PDE7B: variants seen among roughly 807,000 people sequenced by gnomAD.
PDE7B encodes phosphodiesterase 7B.
PDE7B carries 29 observed loss-of-function variants against 56.2 expected under a neutral mutation model. The observed-to-expected ratio is 0.52, with a 90% CI of 0.38 to 0.70. PDE7B has a LOEUF of 0.70. Among genes scored for constraint, PDE7B ranks in the 30% least tolerant of loss-of-function variants. The pLI, the probability that PDE7B is intolerant of heterozygous loss-of-function variation, is 0.00. For synonymous variants in PDE7B, 197 were observed against 196.9 expected (o/e 1.00, Z 0.00); for missense variants, 490 against 565.0 (o/e 0.87, Z 1.35).
chr6:135,984,648 A>G (rs1403277276), intron 2 of PDE7B, among the ~76,000 whole-genome samples: 2 of 152,134 alleles, frequency 1.3e-5, no homozygotes, highest in Non-Finnish European at 2.9e-5. Flanking sequence ...GGGGTTTAAT[A>G]TGAGAAAAAT....
Position 135,938,640 on chromosome 6 carries a change from G to A in PDE7B, c.22-8824G>A, listed in dbSNP as rs561172686. Among the ~76,000 whole-genome samples, 275 of 152,268 alleles carry A rather than the reference G, an allele frequency of 1.8e-3. 1 individual carries two copies. The highest frequency in any genetic ancestry group is 6.2e-3 in the African/African-American group (257 of 41,544). Reference sequence around the variant, plus strand: ...AGAGGCTGTCTTCAATGTGCATTTCGATGTGTGCTATGGGAATCAGGACTA... The same window carrying A: ...AGAGGCTGTCTTCAATGTGCATTTCAATGTGTGCTATGGGAATCAGGACTA... On this transcript the variant is annotated intron_variant, in intron 1 of 12. Transcript: ENST00000308191.
chr6:135,944,911 A>G (rs1857124), intron 1 of PDE7B, among the ~76,000 whole-genome samples: 151,708 of 152,272 alleles, frequency 1, 75,575 homozygotes, highest in Middle Eastern at 1. Flanking sequence ...GACTTTTTCC[A>G]TAGCAAATGG....
intron 2 of PDE7B, among the ~76,000 whole-genome samples, chr6:136,054,983 C>A (rs1482449331): frequency 6.6e-6 from 1 of 152,178 alleles, no homozygotes; most frequent in Non-Finnish European, 1.5e-5. Context: ...AGGTCCCTCC[C>A]AAAACACATA....
intron 3 of PDE7B, among the ~76,000 whole-genome samples, chr6:136,113,409 C>A (rs1256617868): frequency 6.6e-6 from 1 of 152,150 alleles, no homozygotes; most frequent in African/African-American, 2.4e-5. Context: ...TAATTTCGTT[C>A]CCTGTTTCTA....
intron 2 of PDE7B, among the ~76,000 whole-genome samples, chr6:136,048,177 A>C (rs1776552371): frequency 6.6e-6 from 1 of 152,222 alleles, no homozygotes; most frequent in Admixed American, 6.5e-5. Context: ...TTGCCAACAC[A>C]TAAGACAGTG....
chr6:135,862,175 A>G (rs1408043538), intron 1 of PDE7B, among the ~76,000 whole-genome samples: 2 of 151,812 alleles, frequency 1.3e-5, no homozygotes, highest in African/African-American at 4.8e-5. Flanking sequence ...TTCCAGTCTC[A>G]GAAAGAAAGC....
chr6:135,925,379 T>A (rs2128196030), intron 1 of PDE7B, among the ~76,000 whole-genome samples: 1 of 152,288 alleles, frequency 6.6e-6, no homozygotes, highest in Non-Finnish European at 1.5e-5. Context: ...ATAGTCACTT[T>A]AGCTTTCAGT....
At chr6:135,974,756 C>T (rs1331929313) in intron 2 of PDE7B, among the ~76,000 whole-genome samples, 1 of 152,212 alleles carries the variant, frequency 6.6e-6, no homozygotes, top group South Asian at 2.1e-4. Context: ...TTTACAGCTA[C>T]ACAATCATCA....
chr6:135,969,788 A>G (rs1775060623), intron 2 of PDE7B, among the ~76,000 whole-genome samples: 2 of 152,340 alleles, frequency 1.3e-5, no homozygotes, highest in African/African-American at 4.8e-5. Flanking sequence ...TGCACAGCAA[A>G]AGAAACTATC....
intron 3 of PDE7B, among the ~76,000 whole-genome samples, chr6:136,135,398 A>G (rs557848762): frequency 1.3e-5 from 2 of 152,140 alleles, no homozygotes; most frequent in South Asian, 4.1e-4. Flanking sequence ...TCTATTAAAA[A>G]CTAAGCCTAG....
At chr6:136,084,254 G>A (rs1054258741) in intron 2 of PDE7B, among the ~76,000 whole-genome samples, 87 of 152,238 alleles carry the variant, frequency 5.7e-4, no homozygotes, top group African/African-American at 1.8e-3. Context: ...CCATGCAACC[G>A]AGTAGCTTTC....
At chr6:136,132,918 C>T (rs1778142673) in intron 3 of PDE7B, among the ~76,000 whole-genome samples, 1 of 152,150 alleles carries the variant, frequency 6.6e-6, no homozygotes, top group Admixed American at 6.5e-5. Flanking sequence ...GGTGCCACTA[C>T]AATCCATAGA....
intron 3 of PDE7B, among the ~76,000 whole-genome samples, 173 bp from the exon 4 acceptor site, chr6:136,147,178 T>C (rs1002866120): frequency 2.6e-5 from 4 of 151,058 alleles, no homozygotes; most frequent in African/African-American, 9.7e-5. Flanking sequence ...AAAAAACAAA[T>C]ATCAGGTATG....
rs952193171 is a variant in PDE7B at position 135,859,631 on chromosome 6, G to T, written c.21+7612G>T. Among the ~76,000 whole-genome samples the T allele has an allele frequency of 2.6e-5, 4 of 151,928 alleles. No homozygotes were observed. In the South Asian group the frequency reaches 6.2e-4, roughly 24 times the overall value. ...ATAAATAAAATAATTGAGAAATATT[G>T]TTCTCTTTTTCATTGAATATGTTGC... is the stretch of plus-strand genomic sequence containing the variant. On this transcript the variant is annotated intron_variant, in intron 1 of 12. Transcript: ENST00000308191.
At chr6:136,094,240 A>C (rs1285606583) in intron 2 of PDE7B, 2 of 152,242 alleles carry the variant, frequency 1.3e-5, no homozygotes, top group Non-Finnish European at 2.9e-5. Flanking sequence ...CTCAGTTCTT[A>C]ATATCACCTA....
At chr6:135,901,658 G>C (rs7776252) in intron 1 of PDE7B, among the ~76,000 whole-genome samples, 2 of 152,058 alleles carry the variant, frequency 1.3e-5, no homozygotes, top group African/African-American at 4.8e-5. Flanking sequence ...CACACCCCAG[G>C]GAGCAGCTGT....
Position 136,119,127 on chromosome 6 carries a change from T to C in PDE7B, c.166+10313T>C, listed in dbSNP as rs79237907. On this transcript the variant is annotated intron_variant, in intron 3 of 12. Coordinates refer to ENST00000308191, the MANE Select transcript of PDE7B (RefSeq NM_018945.4). Reference sequence around the variant, plus strand: ...TTGTAGCTGCCACCAGTTGCTTTAATTTTTCTCAAGGGGGAGTTGGTTATT... The same window carrying C: ...TTGTAGCTGCCACCAGTTGCTTTAACTTTTCTCAAGGGGGAGTTGGTTATT... Among the ~76,000 whole-genome samples the C allele has an allele frequency of 4.6e-3, 697 of 152,294 alleles. 3 individuals carry two copies. The highest frequency in any genetic ancestry group is 0.016 in the African/African-American group (673 of 41,556).
intron 1 of PDE7B, among the ~76,000 whole-genome samples, chr6:135,942,682 G>A (rs1452306804): frequency 6.6e-6 from 1 of 151,990 alleles, no homozygotes; most frequent in African/African-American, 2.4e-5. Flanking sequence ...GGTAAATATT[G>A]TTCTACCCTC....
chr6:135,940,179 TTCTGGAC>T (rs1274225275), intron 1 of PDE7B, among the ~76,000 whole-genome samples: 1 of 152,190 alleles, frequency 6.6e-6, no homozygotes, highest in African/African-American at 2.4e-5. Flanking sequence ...TTAACCAAGG[TTCTGGAC>T]TTTGCCCAGA....
Sources: gnomAD v4.1 joint callset for allele counts (sites outside exome capture counted in the v4.1 genomes callset) on GRCh38, gnomAD v4.1.1 for gene constraint, MANE v1.5 for transcripts, NCBI Gene and HGNC (gene_info 2026-07-23, HGNC 2026-07-21) for gene names.